Variants in GALNT13 observed in about 807,000 individuals in gnomAD.
The protein encoded by GALNT13 is UDP-GalNAc:polypeptide N-acetylgalactosaminyltransferase 13.
Under a neutral mutation model 64.2 loss-of-function variants are expected in GALNT13, and 28 were observed. That is an observed-to-expected ratio of 0.44 (90% CI 0.32 to 0.60). The LOEUF is 0.60. GALNT13 is among the 20% of genes least tolerant of loss of function. GALNT13 has a pLI of 0.05. For missense variants in GALNT13, 577 were observed against 669.8 expected (o/e 0.86, Z 1.53); for synonymous variants, 214 against 224.6 (o/e 0.95, Z 0.42).
At chr2:154,345,188 T>C (rs1441556040) in intron 9 of GALNT13, among the ~76,000 whole-genome samples, 2 of 152,010 alleles carry the variant, frequency 1.3e-5, no homozygotes, top group Non-Finnish European at 2.9e-5. Context: ...GATTAATGAG[T>C]GATTCATACT....
intron 3 of GALNT13, among the ~76,000 whole-genome samples, chr2:154,058,372 A>G (rs1700006067): frequency 6.6e-6 from 1 of 152,252 alleles, no homozygotes; most frequent in African/African-American, 2.4e-5. Context: ...TAAAACAGCC[A>G]TAAATAATAA....
intron 9 of GALNT13, among the ~76,000 whole-genome samples, chr2:154,367,627 CCA>C (rs1228140429): frequency 6.6e-6 from 1 of 152,056 alleles, no homozygotes; most frequent in Non-Finnish European, 1.5e-5. Flanking sequence ...TTAGAAAATT[CCA>C]CATTTTCACG....
intron 9 of GALNT13, among the ~76,000 whole-genome samples, chr2:154,391,942 A>G (rs1698813509): frequency 6.6e-6 from 1 of 152,236 alleles, no homozygotes; most frequent in African/African-American, 2.4e-5. Context: ...GAAGGTCAGA[A>G]TAAACCTGAA....
At chr2:153,772,694 G>T in the GALNT13 span, among the ~76,000 whole-genome samples, 4 of 152,198 alleles carry the variant, frequency 2.6e-5, no homozygotes, top group Non-Finnish European at 5.9e-5. Flanking sequence ...TGGAGCTGTT[G>T]TGATCTCCTG....
At chr2:153,983,591 A>T (rs1465780464) in intron 3 of GALNT13, among the ~76,000 whole-genome samples, 2 of 151,948 alleles carry the variant, frequency 1.3e-5, no homozygotes, top group Non-Finnish European at 2.9e-5. Context: ...GTAATGAAAG[A>T]TTTAAGCTTT....
Position 154,269,902 on chromosome 2 carries a change from ATG to A in GALNT13, c.975+10768_975+10769del, listed in dbSNP as rs372845459. Among the ~76,000 whole-genome samples the A allele has an allele frequency of 8.3e-3, 606 of 72,964 alleles. 21 individuals carry two copies. The highest frequency in any genetic ancestry group is 0.02 in the African/African-American group (548 of 26,880). The allele number at this position is 72,964 out of a possible 152,430, so 47.9% of individuals were successfully genotyped here. On this transcript the variant is annotated intron_variant, in intron 8 of 12. Coordinates refer to ENST00000392825, the MANE Select transcript of GALNT13 (RefSeq NM_052917.4). Reference sequence around the variant, plus strand: ...GATTGTCATATATATATTTATATATATGTGTATATATATATATATATATTTCT... The same window carrying A: ...GATTGTCATATATATATTTATATATATGTATATATATATATATATATTTCT...
the GALNT13 span, among the ~76,000 whole-genome samples, chr2:153,191,601 C>T: frequency 6.6e-6 from 1 of 152,076 alleles, no homozygotes; most frequent in Non-Finnish European, 1.5e-5. Context: ...ACAAAGTAGC[C>T]TCCCCTTTTC....
At chr2:153,234,663 C>T in the GALNT13 span, among the ~76,000 whole-genome samples, 45 of 152,262 alleles carry the variant, frequency 3.0e-4, no homozygotes, top group African/African-American at 1.1e-3. Flanking sequence ...ATCTGTCTGC[C>T]TCCAAAGCAT....
chr2:154,393,614 A>G (rs1698901994), intron 9 of GALNT13, among the ~76,000 whole-genome samples: 1 of 152,210 alleles, frequency 6.6e-6, no homozygotes, highest in South Asian at 2.1e-4. Context: ...AATTTAGCAT[A>G]ATTATCTAGG....
chr2:153,796,475 A>G, the GALNT13 span, among the ~76,000 whole-genome samples: 2 of 152,356 alleles, frequency 1.3e-5, no homozygotes, highest in South Asian at 4.1e-4. Context: ...TCATGTTGGA[A>G]TAACTAATTT....
chr2:153,442,293 A>C, the GALNT13 span, among the ~76,000 whole-genome samples: 1 of 152,180 alleles, frequency 6.6e-6, no homozygotes, highest in African/African-American at 2.4e-5. Context: ...CCCAAGGATG[A>C]AGCCGACTTG....
intron 1 of GALNT13, among the ~76,000 whole-genome samples, chr2:153,892,820 A>G (rs991271469): frequency 3.9e-5 from 6 of 151,924 alleles, no homozygotes; most frequent in African/African-American, 7.2e-5. Context: ...ATATGATTCG[A>G]CATGTGAACC....
At chr2:154,434,658 T>G (rs1428503253) in intron 11 of GALNT13, among the ~76,000 whole-genome samples, 1 of 152,152 alleles carries the variant, frequency 6.6e-6, no homozygotes, top group African/African-American at 2.4e-5. Flanking sequence ...TTAGTGGTTG[T>G]TTGTAGACCT....
intron 4 of GALNT13, among the ~76,000 whole-genome samples, chr2:154,210,216 T>G (rs532031117): frequency 6.6e-6 from 1 of 152,336 alleles, no homozygotes; most frequent in East Asian, 1.9e-4. Flanking sequence ...TATACCACAT[T>G]TTCCTTATCC....
chr2:154,074,515 G>T (rs1019370832), intron 3 of GALNT13, among the ~76,000 whole-genome samples: 5 of 151,804 alleles, frequency 3.3e-5, no homozygotes, highest in South Asian at 2.1e-4. Flanking sequence ...CTGAATTTTG[G>T]TAACTTTACT....
At chr2:153,478,874 G>C in the GALNT13 span, 3 of 347,546 alleles carry the variant, frequency 8.6e-6, no homozygotes, top group Admixed American at 9.7e-5. Context: ...GCGGGCCGCG[G>C]CGGCTGCAGC....
the GALNT13 span, among the ~76,000 whole-genome samples, chr2:153,613,704 T>C: frequency 6.6e-6 from 1 of 152,194 alleles, no homozygotes; most frequent in Non-Finnish European, 1.5e-5. Flanking sequence ...AATTCCCACC[T>C]ATGAGTGAGA....
At chr2:153,853,973 C>T in the GALNT13 span, among the ~76,000 whole-genome samples, 3 of 151,660 alleles carry the variant, frequency 2.0e-5, no homozygotes, top group Non-Finnish European at 4.4e-5. Context: ...ACAGAATTTA[C>T]CATCCGTCAG....
the GALNT13 span, among the ~76,000 whole-genome samples, chr2:153,328,714 C>T: frequency 3.3e-5 from 5 of 152,164 alleles, no homozygotes; most frequent in Non-Finnish European, 7.3e-5. Flanking sequence ...GCGAGAATGG[C>T]AAGCTGGTGG....
Sources: gnomAD v4.1 joint callset for allele counts (sites outside exome capture counted in the v4.1 genomes callset) on GRCh38, gnomAD v4.1.1 for gene constraint, MANE v1.5 for transcripts, NCBI Gene and HGNC (gene_info 2026-07-23, HGNC 2026-07-21) for gene names.